Variants in CPA3 observed in about 807,000 individuals in gnomAD.
The protein encoded by CPA3 is mast cell carboxypeptidase A.
A neutral mutation model predicts 55.8 loss-of-function variants in CPA3; 52 were observed. The ratio of observed to expected loss-of-function variants is 0.93; its 90% confidence interval spans 0.75 to 1.17. CPA3 has a LOEUF of 1.17. Ranked by LOEUF, CPA3 falls within the 50% of genes most tolerant of loss-of-function variation. CPA3 has a pLI of 0.00. For synonymous variants in CPA3, 179 were observed against 171.2 expected (o/e 1.05, Z -0.36); for missense variants, 547 against 509.1 (o/e 1.07, Z -0.72).
At chr3:148,879,555 T>C (rs1318367724) in intron 5 of CPA3, among the ~76,000 whole-genome samples, 5 of 152,210 alleles carry the variant, frequency 3.3e-5, no homozygotes, top group African/African-American at 9.6e-5. Context: ...CCAGCTGCCC[T>C]GACACTAGAA....
Position 148,886,178 on chromosome 3 carries a change from G to A in CPA3, c.1066+1G>A, listed in dbSNP as rs764904311. 13 of 1,597,004 alleles carry A rather than the reference G, an allele frequency of 8.1e-6. No homozygotes were observed. Among genetic ancestry groups the A allele is most frequent in the African/African-American group, 1.3e-5 (1 of 74,306 alleles). ...TATGGCCCAATAGAATCAACAATTT[G>A]TAAGTCATTCCTCTTATTTACTGAG... On this transcript the variant is annotated splice_donor_variant, in intron 10 of 10. Coordinates refer to ENST00000296046, the MANE Select transcript of CPA3 (RefSeq NM_001870.4). LOFTEE classifies it high-confidence loss of function.
Position 148,865,362 on chromosome 3 carries a change from GT to G in CPA3, c.56del (p.Val19AlafsTer11), listed in dbSNP as rs752693946. 12 of 1,614,060 alleles carry G rather than the reference GT, an allele frequency of 7.4e-6. No homozygotes were observed. Among genetic ancestry groups the G allele is most frequent in the Non-Finnish European group, 9.3e-6 (11 of 1,179,972 alleles). ...TGCTACCACTCTTGCAATTGCTCCT[GT>G]CCGCTTTGACAGGTAAATCTTACTT... ...LIATTLAIAP[V>X]RFDREKVFRV... is the part of the protein sequence containing the mutation. On this transcript the variant is annotated frameshift_variant, in exon 1 of 11. Transcript: ENST00000296046. LOFTEE classifies it high-confidence loss of function.
At chr3:148,883,407 T>G (rs1714427700) in intron 8 of CPA3, among the ~76,000 whole-genome samples, 1 of 152,222 alleles carries the variant, frequency 6.6e-6, no homozygotes, top group East Asian at 1.9e-4. Context: ...CTTAGAATAT[T>G]CCAGTGGGCT....
chr3:148,878,566 T>C (rs75696101), intron 4 of CPA3, 23 bp downstream of exon 4: 3 of 1,553,136 alleles, frequency 1.9e-6, no homozygotes, highest in Non-Finnish European at 2.7e-6. Context: ...ATGCCTGTAC[T>C]TTTTTTTAAG....
intron 2 of CPA3, among the ~76,000 whole-genome samples, chr3:148,868,152 C>A (rs1161284709): frequency 6.6e-6 from 1 of 152,134 alleles, no homozygotes; most frequent in African/African-American, 2.4e-5. Context: ...CTCAGCCTTC[C>A]AAAGTGCTGG....
intron 10 of CPA3, 31 bp from the exon 11 acceptor site, chr3:148,896,489 T>C: frequency 6.8e-7 from 1 of 1,471,532 alleles, no homozygotes; most frequent in Non-Finnish European, 9.1e-7. Context: ...CATTTGTCTC[T>C]AATTAAATAT....
chr3:148,871,675 G>A (rs6799278), intron 3 of CPA3, among the ~76,000 whole-genome samples: 88,886 of 151,978 alleles, frequency 0.58, 26,472 homozygotes, highest in Middle Eastern at 0.69. Context: ...TGCTTTCTAC[G>A]TCAAGTACCA....
chr3:148,893,850 A>C (rs1348108296), intron 10 of CPA3, among the ~76,000 whole-genome samples: 2 of 152,224 alleles, frequency 1.3e-5, no homozygotes, highest in African/African-American at 4.8e-5. Flanking sequence ...CATGGAAGTC[A>C]AAAGGAAGTG....
Position 148,868,917 on chromosome 3 carries a change from T to G in CPA3, c.147T>G (p.Leu49=), listed in dbSNP as rs1713981559. 4 of 1,613,446 alleles carry G rather than the reference T, an allele frequency of 2.5e-6. No individual in the cohort carries two copies. Among genetic ancestry groups the G allele is most frequent in the Non-Finnish European group, 3.4e-6 (4 of 1,179,892 alleles). ...TAACATTGAGCTTATCTCTGCAGCT[T>G]GACTTCTGGTATCCAGGTGCCACCC... ...IIKDLAKTNE[L]DFWYPGATHH... is the part of the protein sequence containing the mutation. The change falls in exon 3 of 11, where the codon CTT becomes CTG. Residue 49 remains leucine, a splice_region_variant and synonymous_variant. Coordinates refer to ENST00000296046, the MANE Select transcript of CPA3 (RefSeq NM_001870.4).
chr3:148,889,185 T>C (rs1383535220), intron 10 of CPA3, among the ~76,000 whole-genome samples: 1 of 152,198 alleles, frequency 6.6e-6, no homozygotes, highest in East Asian at 1.9e-4. Context: ...TAATAAAGCA[T>C]CTGATAGAAT....
chr3:148,886,915 A>G (rs78200031), intron 10 of CPA3, among the ~76,000 whole-genome samples: 1,760 of 152,208 alleles, frequency 0.012, 37 homozygotes, highest in African/African-American at 0.04. Context: ...CCTTCTCACT[A>G]TGTTCAGCCG....
At chr3:148,868,540 C>T (rs7633618) in intron 2 of CPA3, among the ~76,000 whole-genome samples, 71,026 of 151,944 alleles carry the variant, frequency 0.47, 19,282 homozygotes, top group Non-Finnish European at 0.61. Flanking sequence ...ACTAACTAAC[C>T]AGATATTTAA....
chr3:148,889,491 T>G (rs1338078123), intron 10 of CPA3, among the ~76,000 whole-genome samples: 1 of 152,092 alleles, frequency 6.6e-6, no homozygotes, highest in Non-Finnish European at 1.5e-5. Context: ...ACATATCAGA[T>G]AAGTTAAAAT....
chr3:148,871,903 A>G (rs1714078131), intron 3 of CPA3, among the ~76,000 whole-genome samples: 1 of 152,210 alleles, frequency 6.6e-6, no homozygotes, highest in Non-Finnish European at 1.5e-5. Flanking sequence ...TATTAATTAT[A>G]TGCATTACTT....
rs1409091201 is a variant in CPA3, at chr3:148,865,348, T to C, written c.41T>C (p.Leu14Pro). ...ILPVGLIATTLAIAPVRFDRE... is the reference protein window; with the variant it reads ...ILPVGLIATTPAIAPVRFDRE... ...CCTGTGGGTTTGATTGCTACCACTC[T>C]TGCAATTGCTCCTGTCCGCTTTGAC... The change falls in exon 1 of 11, where the codon CTT (leucine) becomes CCT (proline). Residue 14 changes from leucine (L) to proline (P), a missense_variant. Physicochemically the swap from Leu to Pro is moderately conservative, Grantham distance 98. Coordinates refer to ENST00000296046, the MANE Select transcript of CPA3 (RefSeq NM_001870.4). The C allele has an allele frequency of 1.2e-6, 2 of 1,614,156 alleles. No individual in the cohort carries two copies. The highest frequency in any genetic ancestry group is 1.7e-6 in the Non-Finnish European group (2 of 1,180,010).
chr3:148,868,697 T>C (rs1400803948), intron 2 of CPA3, among the ~76,000 whole-genome samples: 3 of 149,770 alleles, frequency 2.0e-5, no homozygotes, highest in South Asian at 4.2e-4. Flanking sequence ...AAAAAAAAAG[T>C]GATCAGGCAC....
chr3:148,894,948 G>T (rs532916236), intron 10 of CPA3, among the ~76,000 whole-genome samples: 53 of 152,200 alleles, frequency 3.5e-4, no homozygotes, highest in African/African-American at 1.3e-3. Flanking sequence ...TTAACAGTAT[G>T]TTTTTTCCAG....
chr3:148,878,381 A>T, intron 3 of CPA3, 60 bp from the exon 4 acceptor site: 1 of 1,203,586 alleles, frequency 8.3e-7, no homozygotes, highest in Non-Finnish European at 1.2e-6. Context: ...CAAATGAAAG[A>T]TAACTGTGTT....
chr3:148,895,759 A>G (rs896086655), intron 10 of CPA3, among the ~76,000 whole-genome samples: 12 of 152,222 alleles, frequency 7.9e-5, no homozygotes, highest in African/African-American at 2.7e-4. Context: ...AACTGTTATT[A>G]TTAGTTAAAC....
Sources: gnomAD v4.1 joint callset for allele counts (sites outside exome capture counted in the v4.1 genomes callset) on GRCh38, gnomAD v4.1.1 for gene constraint, MANE v1.5 for transcripts, NCBI Gene and HGNC (gene_info 2026-07-23, HGNC 2026-07-21) for gene names.